The following DMTN variants were observed in gnomAD, a reference collection of about 807,000 sequenced individuals.
DMTN encodes the protein dematin actin binding protein.
DMTN carries 27 observed loss-of-function variants against 59.4 expected under a neutral mutation model. That is an observed-to-expected ratio of 0.45 (90% CI 0.33 to 0.63). DMTN has a LOEUF of 0.63. Ranked by LOEUF, DMTN falls within the 20% of genes least tolerant of loss-of-function variation. DMTN has a pLI of 0.02. For missense variants in DMTN, 451 were observed against 528.9 expected, an observed-to-expected ratio of 0.85 and a Z score of 1.45; for synonymous variants, 221 against 203.7, an observed-to-expected ratio of 1.08 and a Z score of -0.72.
upstream of DMTN, among the ~76,000 whole-genome samples, chr8:22,053,029 A>G (rs760791795): frequency 3.4e-4 from 52 of 151,682 alleles, no homozygotes; most frequent in Non-Finnish European, 1.5e-4. Flanking sequence ...TGGGGTTTGC[A>G]TGATTTCAGA....
intron 8 of DMTN, among the ~76,000 whole-genome samples, chr8:22,070,976 T>C (rs1413446339): frequency 2.0e-5 from 3 of 152,238 alleles, no homozygotes; most frequent in Admixed American, 2.0e-4. Context: ...TCCATTCATG[T>C]TGCTGCACCC....
At chr8:22,057,323 G>A (rs930012939) in intron 1 of DMTN, among the ~76,000 whole-genome samples, 187 bp downstream of exon 1, 1 of 152,172 alleles carries the variant, frequency 6.6e-6, no homozygotes, top group African/African-American at 2.4e-5. Flanking sequence ...TTCTGATCTG[G>A]GGAAGAGGGC....
Position 22,080,130 on chromosome 8 carries a change from G to A in DMTN, c.836-50G>A, listed in dbSNP as rs371097659. 5 of 1,608,210 alleles carry A rather than the reference G, an allele frequency of 3.1e-6. No homozygotes were observed. The African/African-American group carries it at 6.7e-5, about 22-fold the overall frequency. ...CCAGTGAGGTTGCTGTCTCAGGAAGGGCTGTCAGGGCCAAAGGGACTGAAC... is the reference window on the plus strand; with the variant it reads ...CCAGTGAGGTTGCTGTCTCAGGAAGAGCTGTCAGGGCCAAAGGGACTGAAC... On this transcript the variant is annotated intron_variant, in intron 10 of 15. Coordinates refer to ENST00000358242, the MANE Select transcript of DMTN (RefSeq NM_001387751.1).
chr8:22,051,323 C>T (rs892967044), upstream of DMTN, among the ~76,000 whole-genome samples: 1 of 152,150 alleles, frequency 6.6e-6, no homozygotes, highest in African/African-American at 2.4e-5. Context: ...AACAGCCAGA[C>T]GAGGCAGAGG....
Position 22,081,172 on chromosome 8 carries a change from G to T in DMTN, c.1083G>T (p.Gly361=), listed in dbSNP as rs1216892366. Residue 361 remains glycine, a synonymous_variant, in exon 15 of 16, where the codon GGG becomes GGT. Coordinates refer to ENST00000358242, the MANE Select transcript of DMTN (RefSeq NM_001387751.1). ...TNKGRTKLPP[G]VDRMRLERHL... ...AGGGGCGAACCAAGCTGCCACCGGG[G>T]GTGGATCGGATGCGGCTTGAGGTAG... 6.2e-7 allele frequency: 1 copy of T among 1,613,074 alleles called. No individual in the cohort carries two copies. Among genetic ancestry groups the T allele is most frequent in the Non-Finnish European group, 8.5e-7 (1 of 1,179,820 alleles).
At chr8:22,057,937 G>T in intron 1 of DMTN, 1 of 152,650 alleles carries the variant, frequency 6.6e-6, no homozygotes. Context: ...TGTGGGAATG[G>T]GGAGCCCAGG....
chr8:22,068,662 G>A (rs1232388864), intron 4 of DMTN, among the ~76,000 whole-genome samples: 6 of 151,590 alleles, frequency 4.0e-5, no homozygotes, highest in African/African-American at 1.5e-4. Context: ...AGGGAGGAAG[G>A]CAGGGAAAGA....
chr8:22,077,611 G>C (rs1293242052), intron 10 of DMTN, among the ~76,000 whole-genome samples: 1 of 152,212 alleles, frequency 6.6e-6, no homozygotes, highest in Non-Finnish European at 1.5e-5. Context: ...AGAATCTTCT[G>C]TTCAGCCCAG....
chr8:22,053,213 G>A (rs1801537880), upstream of DMTN, among the ~76,000 whole-genome samples: 2 of 152,162 alleles, frequency 1.3e-5, no homozygotes, highest in Admixed American at 6.5e-5. Context: ...ATCAAATGAT[G>A]AAGAGTTTGG....
upstream of DMTN, among the ~76,000 whole-genome samples, chr8:22,055,812 C>T (rs957503861): frequency 3.9e-5 from 6 of 152,140 alleles, no homozygotes; most frequent in African/African-American, 1.4e-4. Flanking sequence ...TGGCCTCTTC[C>T]CTCAAGCCCC....
At chr8:22,066,139 C>T (rs1810453901) in intron 1 of DMTN, among the ~76,000 whole-genome samples, 1 of 152,170 alleles carries the variant, frequency 6.6e-6, no homozygotes, top group Admixed American at 6.5e-5. Context: ...CCACTTATGC[C>T]CGACCTATGC....
chr8:22,051,333 G>C (rs1801333505), upstream of DMTN, among the ~76,000 whole-genome samples: 1 of 152,138 alleles, frequency 6.6e-6, no homozygotes, highest in Non-Finnish European at 1.5e-5. Context: ...CGAGGCAGAG[G>C]GGAGCCAAGC....
rs780492446 is a variant in DMTN at position 22,082,013 on chromosome 8, G to A, written c.*550G>A. 8.3e-5 allele frequency: 38 copies of A among 456,754 alleles called. No homozygotes were observed. Among genetic ancestry groups the A allele is most frequent in the South Asian group, 2.3e-4 (15 of 64,578 alleles). The allele number at this position is 456,754 out of a possible 1,614,324, so 28.3% of individuals were successfully genotyped here. A position where few individuals can be genotyped will look rare whatever the true frequency, so the allele number is the denominator to read the frequency against. On this transcript the variant is annotated 3_prime_UTR_variant, in exon 16 of 16. Transcript: ENST00000358242. The stretch of plus-strand genomic sequence containing the variant: ...TCCACTTCAGCTTGCCCTGACCTCC[G>A]CTCGCAAACCCCGAGCTTCCAAGCC...
chr8:22,065,234 A>G (rs1028879473), intron 1 of DMTN, among the ~76,000 whole-genome samples: 2 of 152,118 alleles, frequency 1.3e-5, no homozygotes, highest in African/African-American at 4.8e-5. Context: ...AGGTCTCCCT[A>G]TGTTGCCCGG....
At chr8:22,052,681 T>G (rs1801470707), upstream of DMTN, among the ~76,000 whole-genome samples, 1 of 149,226 alleles carries the variant, frequency 6.7e-6, no homozygotes, top group Non-Finnish European at 1.5e-5. Flanking sequence ...AAAGCAACCT[T>G]TTTTTTTTCG....
chr8:22,066,926 A>G, intron 2 of DMTN, 33 bp downstream of exon 2: 2 of 1,237,432 alleles, frequency 1.6e-6, no homozygotes, highest in South Asian at 3.3e-5. Flanking sequence ...GGGGCCGCCG[A>G]GGGCGGGTGG....
chr8:22,073,138 G>A (rs549215714), intron 9 of DMTN, among the ~76,000 whole-genome samples: 1 of 152,338 alleles, frequency 6.6e-6, no homozygotes, highest in Admixed American at 6.5e-5. Flanking sequence ...CTGGGACAAG[G>A]ACAGGGAGGC....
At chr8:22,074,149 CATG>C (rs1817953868) in intron 10 of DMTN, among the ~76,000 whole-genome samples, 1 of 152,172 alleles carries the variant, frequency 6.6e-6, no homozygotes, top group Non-Finnish European at 1.5e-5. Context: ...GGGAAACTGT[CATG>C]GAACGTGGGA....
At chr8:22,076,695 A>G (rs905662843) in intron 10 of DMTN, among the ~76,000 whole-genome samples, 1 of 152,036 alleles carries the variant, frequency 6.6e-6, no homozygotes, top group Non-Finnish European at 1.5e-5. Context: ...AGTGACATAT[A>G]TATACACACT....
Sources: allele counts gnomAD v4.1 joint callset (sites outside exome capture counted in the v4.1 genomes callset), GRCh38; gene constraint gnomAD v4.1.1; transcripts MANE v1.5; gene names NCBI Gene and HGNC (gene_info 2026-07-23, HGNC 2026-07-21).